The following PXDNL variants were observed in gnomAD, a reference collection of about 807,000 sequenced individuals.
PXDNL encodes probable oxidoreductase PXDNL.
PXDNL carries 145 observed loss-of-function variants against 150.8 expected under a neutral mutation model. The ratio of observed to expected loss-of-function variants is 0.96; its 90% confidence interval spans 0.84 to 1.10. PXDNL has a LOEUF of 1.10. Among genes scored for constraint, PXDNL ranks in the 50% least tolerant of loss-of-function variants. The pLI is 0.00. For missense variants in PXDNL, 2,087 were observed against 1,873.9 expected (o/e 1.11, Z -2.10); for synonymous variants, 757 against 725.7 (o/e 1.04, Z -0.69).
rs1428901058 is a variant in PXDNL at position 51,408,915 on chromosome 8, C to T, written c.2709G>A (p.Ser903=). ...YIDGSNVYGS[S]ERESQALRDP... is the part of the protein sequence containing the mutation. Reference sequence around the variant, plus strand: ...CTCTGAGAGCCTGGGATTCCCGCTCCGAGCTCCCGTAAACGTTGGAGCCAT... The same window carrying T: ...CTCTGAGAGCCTGGGATTCCCGCTCTGAGCTCCCGTAAACGTTGGAGCCAT... Residue 903 remains serine, a synonymous_variant, in exon 17 of 23, where the codon TCG becomes TCA. Coordinates refer to ENST00000356297, the MANE Select transcript of PXDNL (RefSeq NM_144651.5). 30 of 1,610,206 alleles carry T rather than the reference C, an allele frequency of 1.9e-5. No homozygotes were observed. Among genetic ancestry groups the T allele is most frequent in the Non-Finnish European group, 2.5e-5 (29 of 1,178,574 alleles).
intron 8 of PXDNL, 62 bp from the exon 9 acceptor site, chr8:51,457,729 A>G (rs1043484899): frequency 1.5e-6 from 2 of 1,331,190 alleles, no homozygotes; most frequent in Non-Finnish European, 2.1e-6. Context: ...ACTCTTAACA[A>G]GACTGAGAAT....
At chr8:51,644,005 G>T (rs1273257203) in intron 2 of PXDNL, among the ~76,000 whole-genome samples, 1 of 151,674 alleles carries the variant, frequency 6.6e-6, no homozygotes, top group Non-Finnish European at 1.5e-5. Context: ...AATTAGCCGG[G>T]CATGGTGGCA....
At chr8:51,641,173 TCCCTTCCTTA>T (rs973497247) in intron 2 of PXDNL, among the ~76,000 whole-genome samples, 1 of 149,760 alleles carries the variant, frequency 6.7e-6, no homozygotes, top group Non-Finnish European at 1.5e-5. Context: ...TGAAAGTGGA[TCCCTTCCTTA>T]CACCTTATAC....
At chr8:51,392,065 T>A (rs1807927275) in intron 17 of PXDNL, among the ~76,000 whole-genome samples, 1 of 152,206 alleles carries the variant, frequency 6.6e-6, no homozygotes, top group Non-Finnish European at 1.5e-5. Context: ...GTGACGTTAT[T>A]TCTAAGGGCT....
At chr8:51,385,605 A>G (rs1807683278) in intron 17 of PXDNL, among the ~76,000 whole-genome samples, 1 of 152,250 alleles carries the variant, frequency 6.6e-6, no homozygotes, top group South Asian at 2.1e-4. Context: ...GAAGGCATAA[A>G]CAGATATTTA....
chr8:51,504,501 A>C (rs2130310091), intron 4 of PXDNL, among the ~76,000 whole-genome samples: 1 of 152,194 alleles, frequency 6.6e-6, no homozygotes, highest in African/African-American at 2.4e-5. Flanking sequence ...GTAATTCTGG[A>C]CCTGTTTTCA....
chr8:51,507,071 A>G (rs1811311187), intron 4 of PXDNL, among the ~76,000 whole-genome samples: 1 of 152,134 alleles, frequency 6.6e-6, no homozygotes, highest in African/African-American at 2.4e-5. Context: ...TAAAACATTA[A>G]TAAGTACTTA....
intron 12 of PXDNL, among the ~76,000 whole-genome samples, chr8:51,439,541 C>T (rs2129868894): frequency 6.6e-6 from 1 of 152,140 alleles, no homozygotes; most frequent in East Asian, 1.9e-4. Context: ...ATTAACAGTA[C>T]AGGTTGGGTG....
chr8:51,381,617 G>A (rs1807544367), intron 17 of PXDNL, among the ~76,000 whole-genome samples: 1 of 148,902 alleles, frequency 6.7e-6, no homozygotes, highest in African/African-American at 2.5e-5. Flanking sequence ...CAATATGACT[G>A]GTGTCTTTAT....
chr8:51,486,606 TTTTTTCTTTCTTC>T lies in PXDNL; in HGVS notation c.453-2905_453-2893del, dbSNP rs760535452. 3.6e-3 allele frequency among the ~76,000 whole-genome samples: 539 copies of T among 151,398 alleles called. 3 individuals carry two copies. Among genetic ancestry groups the T allele is most frequent in the South Asian group, 6.7e-3 (32 of 4,792 alleles). ...CAAAAATGTATGCTTGTAGTTTCCTTTTTTTCTTTCTTCTTTCCAACTTTCCTGAAATTAATTT... is the reference window on the plus strand; with the variant it reads ...CAAAAATGTATGCTTGTAGTTTCCTTTTTCCAACTTTCCTGAAATTAATTT... On this transcript the variant is annotated intron_variant, in intron 5 of 22. Coordinates refer to ENST00000356297, the MANE Select transcript of PXDNL (RefSeq NM_144651.5).
intron 6 of PXDNL, among the ~76,000 whole-genome samples, chr8:51,478,178 G>A (rs1348330777): frequency 6.6e-6 from 1 of 152,046 alleles, no homozygotes; most frequent in East Asian, 1.9e-4. Flanking sequence ...CAATCAATAA[G>A]AAAGATGGTT....
intron 1 of PXDNL, among the ~76,000 whole-genome samples, chr8:51,801,806 T>C (rs2037624089): frequency 6.6e-6 from 1 of 152,202 alleles, no homozygotes; most frequent in African/African-American, 2.4e-5. Flanking sequence ...GCTGAGGTCA[T>C]TCTATTTAGT....
intron 7 of PXDNL, among the ~76,000 whole-genome samples, chr8:51,473,243 G>T (rs898415905): frequency 1.3e-4 from 18 of 141,342 alleles, no homozygotes; most frequent in African/African-American, 4.3e-4. Context: ...GTACCAAGGG[G>T]TTTACAGTTT....
At chr8:51,478,446 C>T (rs929607545) in intron 6 of PXDNL, among the ~76,000 whole-genome samples, 1 of 152,178 alleles carries the variant, frequency 6.6e-6, no homozygotes, top group African/African-American at 2.4e-5. Context: ...TATTTGAAAA[C>T]AGTAACACCT....
At chr8:51,612,994 G>T (rs16916598) in intron 2 of PXDNL, among the ~76,000 whole-genome samples, 1 of 151,902 alleles carries the variant, frequency 6.6e-6, no homozygotes, top group Admixed American at 6.6e-5. Context: ...CACACAGGGC[G>T]CCTAACTTGG....
chr8:51,507,874 C>T (rs560922336), intron 4 of PXDNL, among the ~76,000 whole-genome samples: 1 of 152,286 alleles, frequency 6.6e-6, no homozygotes, highest in Non-Finnish European at 1.5e-5. Flanking sequence ...AAAATGTCAA[C>T]AGTGCCAGGT....
At chr8:51,635,910 T>G (rs1344875568) in intron 2 of PXDNL, among the ~76,000 whole-genome samples, 3 of 151,972 alleles carry the variant, frequency 2.0e-5, no homozygotes, top group Admixed American at 6.6e-5. Context: ...GAGAAGAAAA[T>G]ACAGAGCAAT....
intron 1 of PXDNL, among the ~76,000 whole-genome samples, chr8:51,735,747 C>T (rs1188020055): frequency 1.3e-5 from 2 of 150,336 alleles, no homozygotes; most frequent in African/African-American, 2.4e-5. Flanking sequence ...GGGGTTTCAC[C>T]GTTTTAGCCG....
At chr8:51,702,435 A>C (rs1037388115) in intron 1 of PXDNL, among the ~76,000 whole-genome samples, 10 of 152,172 alleles carry the variant, frequency 6.6e-5, no homozygotes, top group African/African-American at 9.7e-5. Flanking sequence ...AGAGGGAAAA[A>C]CTTATTTTAA....
Sources: gnomAD v4.1 joint callset for allele counts (sites outside exome capture counted in the v4.1 genomes callset) on GRCh38, gnomAD v4.1.1 for gene constraint, MANE v1.5 for transcripts, NCBI Gene and HGNC (gene_info 2026-07-23, HGNC 2026-07-21) for gene names.